Variants in PCDHA3 observed in about 807,000 individuals in gnomAD.
PCDHA3 encodes the protein protocadherin alpha 3.
PCDHA3 carries 41 observed loss-of-function variants against 62.2 expected under a neutral mutation model. That is an observed-to-expected ratio of 0.66 (90% confidence interval 0.51 to 0.86). The LOEUF is 0.86. Ranked by LOEUF, PCDHA3 falls within the 40% of genes least tolerant of loss-of-function variation. PCDHA3 has a pLI of 0.00. For synonymous variants in PCDHA3, 640 were observed against 555.4 expected, an observed-to-expected ratio of 1.15 and a Z score of -2.14; for missense variants, 1,304 against 1,241.2, an observed-to-expected ratio of 1.05 and a Z score of -0.76.
At chr5:140,844,536 C>T (rs945538914) in intron 1 of PCDHA3, among the ~76,000 whole-genome samples, 1 of 149,252 alleles carries the variant, frequency 6.7e-6, no homozygotes, top group South Asian at 2.1e-4. Flanking sequence ...AATCATTCAA[C>T]CCTTTGTTCA....
chr5:140,869,388 G>C lies in PCDHA3; in HGVS notation c.2394+65797G>C, dbSNP rs529836794. On this transcript the variant is annotated intron_variant, in intron 1 of 3. Transcript: ENST00000522353. Reference sequence around the variant, plus strand: ...ATTCTCGGATCGACCGCGAGGAGCTGTGCGGGCAGAGCGCGGAGTGCAGCA... The same window carrying C: ...ATTCTCGGATCGACCGCGAGGAGCTCTGCGGGCAGAGCGCGGAGTGCAGCA... 3.7e-6 allele frequency: 6 copies of C among 1,614,204 alleles called. No homozygotes were observed. The African/African-American group carries it at 6.7e-5, about 18-fold the overall frequency.
chr5:140,851,165 G>T, intron 1 of PCDHA3: 1 of 1,284,508 alleles, frequency 7.8e-7, no homozygotes, highest in Non-Finnish European at 1.0e-6. Flanking sequence ...ATGCTATGCT[G>T]CCATAACACT....
At chr5:140,996,386 C>G (rs574909973) in intron 3 of PCDHA3, among the ~76,000 whole-genome samples, 1 of 152,268 alleles carries the variant, frequency 6.6e-6, no homozygotes, top group South Asian at 2.1e-4. Flanking sequence ...GAAATAATGC[C>G]TCATAGAGTT....
At chr5:140,875,953 G>T (rs782793293) in intron 1 of PCDHA3, 1 of 1,614,066 alleles carries the variant, frequency 6.2e-7, no homozygotes, top group African/African-American at 1.3e-5. Context: ...TTCTGATGCG[G>T]ATATCGGCGT....
intron 1 of PCDHA3, among the ~76,000 whole-genome samples, chr5:140,959,938 G>T (rs937975013): frequency 6.6e-6 from 1 of 152,130 alleles, no homozygotes; most frequent in Non-Finnish European, 1.5e-5. Flanking sequence ...CATTACTTAG[G>T]CAGAATATCA....
chr5:140,854,040 T>A, intron 1 of PCDHA3: 1 of 281,106 alleles, frequency 3.6e-6, no homozygotes, highest in Non-Finnish European at 5.5e-6. Flanking sequence ...CACACATCTC[T>A]AGTCCCAATT....
At chr5:140,824,388 G>A in intron 1 of PCDHA3, 1 of 557,068 alleles carries the variant, frequency 1.8e-6, no homozygotes. Context: ...CTCTAAAAAT[G>A]TAGGATAATA....
At chr5:140,904,560 T>G (rs2071228381) in intron 1 of PCDHA3, among the ~76,000 whole-genome samples, 1 of 152,102 alleles carries the variant, frequency 6.6e-6, no homozygotes, top group African/African-American at 2.4e-5. Flanking sequence ...AATGACTTTT[T>G]TTTCCTCTGG....
At chr5:141,002,567 C>T (rs2098086110) in intron 3 of PCDHA3, among the ~76,000 whole-genome samples, 1 of 152,210 alleles carries the variant, frequency 6.6e-6, no homozygotes, top group Admixed American at 6.5e-5. Context: ...CAGTTAGTGA[C>T]CATGTGACCA....
At chr5:140,878,461 T>G (rs1274651575) in intron 1 of PCDHA3, among the ~76,000 whole-genome samples, 1 of 152,230 alleles carries the variant, frequency 6.6e-6, no homozygotes, top group Non-Finnish European at 1.5e-5. Context: ...TGAAATATAA[T>G]AAAATCATTT....
At chr5:140,819,708 A>G (rs1417707772) in intron 1 of PCDHA3, among the ~76,000 whole-genome samples, 4 of 152,120 alleles carry the variant, frequency 2.6e-5, no homozygotes, top group African/African-American at 4.8e-5. Context: ...TTTAAAAAGT[A>G]AATATAATTT....
intron 1 of PCDHA3, among the ~76,000 whole-genome samples, chr5:140,872,205 A>AT (rs1554166067): frequency 6.6e-6 from 1 of 151,936 alleles, no homozygotes; most frequent in Non-Finnish European, 1.5e-5. Context: ...TCATAAATTC[A>AT]TTATATATGA....
intron 3 of PCDHA3, among the ~76,000 whole-genome samples, chr5:141,008,171 G>A (rs1441350888): frequency 6.6e-6 from 1 of 152,148 alleles, no homozygotes; most frequent in African/African-American, 2.4e-5. Flanking sequence ...GGACTAAAAT[G>A]TGACCATTGA....
chr5:141,005,701 C>CAAAAAA (rs59860837), intron 3 of PCDHA3, among the ~76,000 whole-genome samples: 13 of 7,792 alleles, frequency 1.7e-3, no homozygotes, highest in East Asian at 3.2e-3. Context: ...AACTCCGTCT[C>CAAAAAA]AAAAAAAAAA....
chr5:140,823,086 C>G (rs2150122075), intron 1 of PCDHA3: 43 of 1,613,882 alleles, frequency 2.7e-5, no homozygotes, highest in Middle Eastern at 1.7e-4. Flanking sequence ...TGTGGGCCAC[C>G]GCCAGCGTGT....
intron 1 of PCDHA3, among the ~76,000 whole-genome samples, chr5:140,826,640 G>A (rs1234155736): frequency 5.3e-5 from 8 of 152,114 alleles, no homozygotes; most frequent in African/African-American, 1.4e-4. Flanking sequence ...ACTTTTATAT[G>A]AAGGTAACAT....
At chr5:140,918,940 A>C (rs541337613) in intron 1 of PCDHA3, among the ~76,000 whole-genome samples, 51 of 152,328 alleles carry the variant, frequency 3.3e-4, no homozygotes, top group African/African-American at 1.2e-3. Flanking sequence ...TTTTGTTATA[A>C]TATCCTGAAC....
At chr5:140,927,994 G>C in intron 1 of PCDHA3, 1 of 1,614,180 alleles carries the variant, frequency 6.2e-7, no homozygotes, top group Non-Finnish European at 8.5e-7. Flanking sequence ...AAAGGATGAA[G>C]ACCTCGATTC....
chr5:140,867,619 C>T (rs1554161426), intron 1 of PCDHA3: 3 of 152,174 alleles, frequency 2.0e-5, no homozygotes, highest in South Asian at 4.1e-4. Flanking sequence ...AACTATAGAA[C>T]AAAATATTTA....
Sources: allele counts gnomAD v4.1 joint callset (sites outside exome capture counted in the v4.1 genomes callset), GRCh38; gene constraint gnomAD v4.1.1; transcripts MANE v1.5; gene names NCBI Gene and HGNC (gene_info 2026-07-23, HGNC 2026-07-21).